Variants in DOCK3 observed in about 807,000 individuals in gnomAD.
The protein encoded by DOCK3 is dedicator of cytokinesis protein 3.
In DOCK3, 60 loss-of-function variants were observed where a neutral mutation model predicts 265.6. That is an observed-to-expected ratio of 0.23 (90% CI 0.18 to 0.28). The LOEUF is 0.28. Among genes scored for constraint, DOCK3 ranks in the 10% least tolerant of loss-of-function variants. DOCK3 has a pLI of 1.00. For synonymous variants in DOCK3, 881 were observed against 938.0 expected (o/e 0.94, Z 1.11); for missense variants, 1,981 against 2,594.3 (o/e 0.76, Z 5.14).
chr3:51,037,922 A>G (rs1276318487), intron 5 of DOCK3, among the ~76,000 whole-genome samples: 1 of 152,206 alleles, frequency 6.6e-6, no homozygotes, highest in African/African-American at 2.4e-5. Flanking sequence ...AAAATGTGTC[A>G]GCCAGAGGAG....
chr3:50,972,005 G>A (rs976437513), intron 5 of DOCK3, among the ~76,000 whole-genome samples: 1 of 152,214 alleles, frequency 6.6e-6, no homozygotes, highest in Non-Finnish European at 1.5e-5. Flanking sequence ...TCCAGTGCTC[G>A]GAACACTCAG....
intron 32 of DOCK3, among the ~76,000 whole-genome samples, chr3:51,324,491 C>G (rs1207596701): frequency 6.6e-6 from 1 of 152,160 alleles, no homozygotes; most frequent in Admixed American, 6.6e-5. Context: ...CCATACTGCC[C>G]AAACTAATTT....
intron 3 of DOCK3, among the ~76,000 whole-genome samples, chr3:50,852,107 G>A (rs1275669651): frequency 3.3e-5 from 5 of 152,190 alleles, no homozygotes; most frequent in South Asian, 2.1e-4. Context: ...CCTCTTGCAC[G>A]TACTAGGGCT....
At chr3:51,092,282 A>G (rs960489328) in intron 9 of DOCK3, among the ~76,000 whole-genome samples, 2 of 152,338 alleles carry the variant, frequency 1.3e-5, no homozygotes, top group African/African-American at 2.4e-5. Flanking sequence ...TCTCACTGCC[A>G]GCACAGCAGC....
rs747619650 is a variant in DOCK3 at position 51,146,605 on chromosome 3, T to C, written c.803T>C (p.Ile268Thr). 2.5e-6 allele frequency: 4 copies of C among 1,595,802 alleles called. No individual in the cohort carries two copies. Among genetic ancestry groups the C allele is most frequent in the Non-Finnish European group, 3.4e-6 (4 of 1,170,578 alleles). The change falls in exon 10 of 53, where the codon ATA (isoleucine) becomes ACA (threonine). Residue 268 changes from isoleucine (I) to threonine (T), a missense_variant. Coordinates refer to ENST00000266037, the MANE Select transcript of DOCK3 (RefSeq NM_004947.5). Reference protein sequence around the residue: ...KNGGPRNPEKIERMCALFTDL... With the variant: ...KNGGPRNPEKTERMCALFTDL... ...GGTGGGCCGAGGAACCCAGAGAAGA[T>C]AGAACGAATGTGTGCCCTTTTTACA...
chr3:50,822,718 C>G (rs1280475183), intron 2 of DOCK3, among the ~76,000 whole-genome samples: 1 of 152,088 alleles, frequency 6.6e-6, no homozygotes, highest in Non-Finnish European at 1.5e-5. Flanking sequence ...GTACCATACT[C>G]CTGGGCTCAA....
intron 5 of DOCK3, among the ~76,000 whole-genome samples, chr3:50,957,234 TG>T (rs1452350662): frequency 1.3e-5 from 2 of 152,222 alleles, no homozygotes; most frequent in African/African-American, 4.8e-5. Flanking sequence ...AAATAGCTGT[TG>T]TCTAAATACA....
chr3:51,152,522 T>C (rs1251386906), intron 10 of DOCK3, among the ~76,000 whole-genome samples: 2 of 152,028 alleles, frequency 1.3e-5, no homozygotes, highest in Non-Finnish European at 2.9e-5. Context: ...TTCTCCGTCC[T>C]GCTTTGTTCC....
At chr3:51,069,709 C>G (rs1452635604) in intron 6 of DOCK3, among the ~76,000 whole-genome samples, 1 of 151,976 alleles carries the variant, frequency 6.6e-6, no homozygotes, top group Admixed American at 6.5e-5. Context: ...CCATCTATAT[C>G]TCTTTCTTCC....
chr3:51,360,300 G>A (rs568158542), intron 46 of DOCK3, among the ~76,000 whole-genome samples: 4 of 152,326 alleles, frequency 2.6e-5, no homozygotes, highest in East Asian at 1.9e-4. Context: ...CCTCGCACAC[G>A]GCCTTTGGTC....
At chr3:51,093,684 T>C (rs778698072) in intron 9 of DOCK3, among the ~76,000 whole-genome samples, 15 of 152,212 alleles carry the variant, frequency 9.9e-5, no homozygotes, top group Non-Finnish European at 1.5e-5. Flanking sequence ...CTGATTGCCC[T>C]GGCCAGAACT....
chr3:51,027,436 T>C (rs1160183774), intron 5 of DOCK3, among the ~76,000 whole-genome samples: 4 of 152,068 alleles, frequency 2.6e-5, no homozygotes, highest in African/African-American at 7.2e-5. Flanking sequence ...GGATTTTAGG[T>C]GGGGTATTCT....
intron 1 of DOCK3, among the ~76,000 whole-genome samples, chr3:50,775,558 C>T (rs192961197): frequency 1.8e-4 from 28 of 151,874 alleles, no homozygotes; most frequent in East Asian, 9.7e-4. Context: ...GCTTGATTTA[C>T]GGTAGTGGAA....
intron 3 of DOCK3, among the ~76,000 whole-genome samples, chr3:50,855,874 T>TC (rs780580708): frequency 6.6e-6 from 1 of 152,034 alleles, no homozygotes; most frequent in African/African-American, 2.4e-5. Context: ...ATGTGTTGTT[T>TC]CCCCCCATGT....
chr3:51,034,276 T>G (rs1466242187), intron 5 of DOCK3, among the ~76,000 whole-genome samples: 3 of 152,122 alleles, frequency 2.0e-5, no homozygotes, highest in Admixed American at 2.0e-4. Flanking sequence ...TTTGTATTCC[T>G]AGCATTTCAT....
intron 1 of DOCK3, among the ~76,000 whole-genome samples, chr3:50,761,591 C>A (rs1264649074): frequency 6.6e-6 from 1 of 152,156 alleles, no homozygotes; most frequent in African/African-American, 2.4e-5. Flanking sequence ...AGGTCCTCAG[C>A]AGCTAATTTC....
At chr3:50,868,416 A>G (rs1172829891) in intron 3 of DOCK3, among the ~76,000 whole-genome samples, 1 of 152,068 alleles carries the variant, frequency 6.6e-6, no homozygotes, top group Non-Finnish European at 1.5e-5. Context: ...TCTGTCATCC[A>G]TTCTGGAGTG....
chr3:50,825,442 A>G (rs779174859), intron 2 of DOCK3, among the ~76,000 whole-genome samples: 19 of 152,172 alleles, frequency 1.2e-4, no homozygotes, highest in Non-Finnish European at 2.5e-4. Context: ...GAGGATGAAT[A>G]TATTTTTAAG....
chr3:50,959,890 A>G (rs926458588), intron 5 of DOCK3, among the ~76,000 whole-genome samples: 4 of 152,248 alleles, frequency 2.6e-5, no homozygotes, highest in South Asian at 4.1e-4. Context: ...CTCTATGTGT[A>G]TATTTTTAAG....
Sources: gnomAD v4.1 joint callset for allele counts (sites outside exome capture counted in the v4.1 genomes callset) on GRCh38, gnomAD v4.1.1 for gene constraint, MANE v1.5 for transcripts, NCBI Gene and HGNC (gene_info 2026-07-23, HGNC 2026-07-21) for gene names.